Variants in CPM observed in about 807,000 individuals in gnomAD.
CPM encodes carboxypeptidase M.
A neutral mutation model predicts 46.4 loss-of-function variants in CPM; 35 were observed. The ratio of observed to expected loss-of-function variants is 0.75; its 90% CI spans 0.58 to 1.00. The LOEUF (loss-of-function observed/expected upper bound fraction) is 1.00. Ranked by LOEUF, CPM falls within the 50% of genes least tolerant of loss-of-function variation. The probability of loss-of-function intolerance (pLI) is 0.00; values close to 1 mark genes in which losing one functional copy is unlikely to be tolerated. For missense variants in CPM, 422 were observed against 530.4 expected (o/e 0.80, Z 2.01); for synonymous variants, 195 against 195.3 (o/e 1.00, Z 0.01).
intron 1 of CPM, among the ~76,000 whole-genome samples, chr12:68,949,270 C>A (rs188229016): frequency 6.6e-6 from 1 of 152,298 alleles, no homozygotes; most frequent in Admixed American, 6.5e-5. Context: ...ACTCAGGGGG[C>A]TGAGGCAAGA....
chr12:68,896,864 G>A (rs1886894287), intron 2 of CPM, among the ~76,000 whole-genome samples: 1 of 152,000 alleles, frequency 6.6e-6, no homozygotes, highest in Admixed American at 6.6e-5. Context: ...TGAATGGGGA[G>A]GTTTGGGAAT....
At chr12:68,941,539 A>AT (rs758538513) in intron 1 of CPM, among the ~76,000 whole-genome samples, 2 of 151,548 alleles carry the variant, frequency 1.3e-5, no homozygotes, top group Non-Finnish European at 1.5e-5. Flanking sequence ...ACGCATGGCT[A>AT]TTTTTTTGTG....
chr12:68,962,955 T>G (rs951738596), intron 1 of CPM, among the ~76,000 whole-genome samples: 1 of 152,242 alleles, frequency 6.6e-6, no homozygotes, highest in East Asian at 1.9e-4. Flanking sequence ...ACATCTTACA[T>G]GTATTGATTG....
chr12:68,895,736 T>C (rs923438847), intron 2 of CPM, among the ~76,000 whole-genome samples: 3 of 152,146 alleles, frequency 2.0e-5, no homozygotes, highest in African/African-American at 7.2e-5. Flanking sequence ...TCCCAGCACT[T>C]TGGGAGGCCG....
At chr12:68,900,294 T>C (rs1887060014) in intron 2 of CPM, among the ~76,000 whole-genome samples, 1 of 152,182 alleles carries the variant, frequency 6.6e-6, no homozygotes, top group Non-Finnish European at 1.5e-5. Context: ...ATATGTCACA[T>C]CATATGTCAT....
Position 68,858,987 on chromosome 12 carries a change from G to T in CPM, c.1025C>A (p.Pro342His). The T allele has an allele frequency of 1.3e-6, 2 of 1,570,688 alleles. No homozygotes were observed. The highest frequency in any genetic ancestry group is 1.8e-5 in the Admixed American group (1 of 55,740). ...CTCTCCATATTTGTTGGTTCTATAG[G>T]GGCAGATATGTTTTCTGTCTTGGAC... ...VEVQDRKHIC[P>H]YRTNKYGEYY... The change falls in exon 8 of 9, where the codon CCC (proline) becomes CAC (histidine). Residue 342 changes from proline (P) to histidine (H), a missense_variant. Physicochemically the swap from Pro to His is moderately conservative, Grantham distance 77. Transcript: ENST00000551568.
At chr12:68,918,548 C>T (rs935207917) in intron 2 of CPM, among the ~76,000 whole-genome samples, 1 of 152,106 alleles carries the variant, frequency 6.6e-6, no homozygotes, top group Non-Finnish European at 1.5e-5. Context: ...AGCACAAAAC[C>T]TAAGCATCAT....
chr12:68,945,822 T>C (rs1888836514), intron 1 of CPM, among the ~76,000 whole-genome samples: 1 of 151,552 alleles, frequency 6.6e-6, no homozygotes, highest in African/African-American at 2.4e-5. Flanking sequence ...AGGCTAGAAT[T>C]TTTTTCTTTT....
chr12:68,844,039 C>T (rs546464680), intron 5 of CPM: 5 of 206,398 alleles, frequency 2.4e-5, no homozygotes, highest in Non-Finnish European at 3.0e-5. Context: ...AAACATAGTA[C>T]ACTTGATATA....
intron 1 of CPM, among the ~76,000 whole-genome samples, chr12:68,947,889 T>C (rs1407198615): frequency 2.0e-5 from 3 of 152,118 alleles, no homozygotes; most frequent in Non-Finnish European, 2.9e-5. Flanking sequence ...TTTATAAAAA[T>C]TTATACTAAT....
At chr12:68,863,088 G>C (rs1221981176) in intron 7 of CPM, among the ~76,000 whole-genome samples, 1 of 152,124 alleles carries the variant, frequency 6.6e-6, no homozygotes, top group African/African-American at 2.4e-5. Context: ...ACAGTACTTA[G>C]GAGACTGCTT....
At chr12:68,921,234 C>T (rs951637443) in intron 2 of CPM, among the ~76,000 whole-genome samples, 2 of 151,130 alleles carry the variant, frequency 1.3e-5, no homozygotes, top group Non-Finnish European at 3.0e-5. Context: ...CTCCACCTCC[C>T]GGGTTCAAGC....
At chr12:68,872,738 AT>A (rs57880816) in intron 3 of CPM, among the ~76,000 whole-genome samples, 17,713 of 146,298 alleles carry the variant, frequency 0.12, 2,032 homozygotes, top group African/African-American at 0.3. Flanking sequence ...CACATTGTAG[AT>A]TTTTTTTTTT....
downstream of CPM, chr12:68,850,667 A>G (rs933304177): frequency 3.3e-5 from 5 of 152,160 alleles, no homozygotes; most frequent in Non-Finnish European, 4.4e-5. Context: ...AATCAATAAA[A>G]TTTGTTATTC....
In CPM at chr12:68,856,284, T is replaced by C. The variant is rs1884965169; in HGVS notation, c.*153A>G. The C allele has an allele frequency of 1.2e-6, 1 of 824,442 alleles. No individual in the cohort carries two copies. Among genetic ancestry groups the C allele is most frequent in the Non-Finnish European group, 1.9e-6 (1 of 524,666 alleles). The allele number at this position is 824,442 out of a possible 1,614,324, so 51.1% of individuals were successfully genotyped here. On this transcript the variant is annotated 3_prime_UTR_variant, in exon 9 of 9. Transcript: ENST00000551568. ...TTTCATTATCACCACATATTGCTTA[T>C]TGTGGAATTTGGAAACATCCATTTC... is the stretch of plus-strand genomic sequence containing the variant.
At chr12:68,865,916 A>G (rs1885422202) in intron 7 of CPM, among the ~76,000 whole-genome samples, 1 of 152,124 alleles carries the variant, frequency 6.6e-6, no homozygotes, top group Non-Finnish European at 1.5e-5. Flanking sequence ...GGTGGTCCAA[A>G]CAGAAACTCC....
chr12:68,961,597 T>C (rs1345710122), intron 1 of CPM, among the ~76,000 whole-genome samples: 1 of 152,162 alleles, frequency 6.6e-6, no homozygotes, highest in African/African-American at 2.4e-5. Context: ...GGCTTATGTA[T>C]TTTTTATTTT....
chr12:68,945,815 C>T (rs1185996360), intron 1 of CPM, among the ~76,000 whole-genome samples: 2 of 147,326 alleles, frequency 1.4e-5, no homozygotes, highest in Non-Finnish European at 1.5e-5. Context: ...ATGGACAAGG[C>T]TAGAATTTTT....
chr12:68,933,382 T>C (rs950682820), upstream of CPM, among the ~76,000 whole-genome samples: 1 of 151,956 alleles, frequency 6.6e-6, no homozygotes, highest in Non-Finnish European at 1.5e-5. Flanking sequence ...GCGGCTGAGC[T>C]GGGCGGAGGG....
Sources: gnomAD v4.1 joint callset for allele counts (sites outside exome capture counted in the v4.1 genomes callset) on GRCh38, gnomAD v4.1.1 for gene constraint, MANE v1.5 for transcripts, NCBI Gene and HGNC (gene_info 2026-07-23, HGNC 2026-07-21) for gene names.